Variants in CFAP47 observed in about 807,000 individuals in gnomAD.
The protein encoded by CFAP47 is cilia and flagella associated protein 47.
In CFAP47, 29 loss-of-function variants were observed where a neutral mutation model predicts 148.1. The observed-to-expected ratio is 0.20, with a 90% CI of 0.15 to 0.27. CFAP47 has a LOEUF of 0.27. Among genes scored for constraint, CFAP47 ranks in the 10% least tolerant of loss-of-function variants. The probability of loss-of-function intolerance (pLI) is 1.00; values close to 1 mark genes in which losing one functional copy is unlikely to be tolerated. For synonymous variants in CFAP47, 664 were observed against 577.3 expected (o/e 1.15, Z -2.15); for missense variants, 1,872 against 1,697.5 (o/e 1.10, Z -1.81).
chrX:35,956,795 C>T (rs1215134376), intron 8 of CFAP47, among the ~76,000 whole-genome samples: 1 of 111,880 alleles, frequency 8.9e-6, no homozygotes, highest in Non-Finnish European at 1.9e-5. Context: ...TCCTCTAAAC[C>T]ATGGGTTAAA....
At chrX:36,208,809 T>G (rs906573934) in intron 45 of CFAP47, among the ~76,000 whole-genome samples, 1 of 110,235 alleles carries the variant, frequency 9.1e-6, no homozygotes, top group African/African-American at 3.3e-5. Flanking sequence ...CTACTAAAAA[T>G]ACAAAAATTA....
At chrX:36,136,404 A>G (rs1183955980) in intron 33 of CFAP47, among the ~76,000 whole-genome samples, 2 of 110,702 alleles carry the variant, frequency 1.8e-5, no homozygotes, top group African/African-American at 6.5e-5. Context: ...TAACTGACTG[A>G]TTCTCTATCA....
Position 36,350,112 on chromosome X carries a change from C to T in CFAP47, c.8678C>T (p.Pro2893Leu). Residue 2893 changes from proline to leucine, a missense_variant, in exon 59 of 64, where the codon CCA (proline) becomes CTA (leucine). Transcript: ENST00000378653. ...IYPIVGLPQA[P>L]PPKSPPVVIQ... ...CCTATTGTTGGACTCCCACAAGCACCACCTCCTAAATCTCCCCCAGGTAGG... is the reference window on the plus strand; with the variant it reads ...CCTATTGTTGGACTCCCACAAGCACTACCTCCTAAATCTCCCCCAGGTAGG... 4.3e-6 allele frequency: 5 copies of T among 1,151,506 alleles called. No homozygotes were observed. The highest frequency in any genetic ancestry group is 5.8e-6 in the Non-Finnish European group (5 of 858,828). The allele number at this position is 1,151,506 out of a possible 1,213,427, so 94.9% of individuals were successfully genotyped here.
At chrX:36,212,610 C>A (rs1431972588) in intron 45 of CFAP47, among the ~76,000 whole-genome samples, 1 of 110,457 alleles carries the variant, frequency 9.1e-6, no homozygotes, top group African/African-American at 3.3e-5. Flanking sequence ...AAGTTTTACA[C>A]TTTTTTTAGT....
intron 36 of CFAP47, among the ~76,000 whole-genome samples, chrX:36,147,015 T>C (rs1345982548): frequency 1.8e-5 from 2 of 110,880 alleles, no homozygotes; most frequent in African/African-American, 6.6e-5. Flanking sequence ...ACTCCTGACC[T>C]CAGGTGATCC....
intron 3 of CFAP47, among the ~76,000 whole-genome samples, chrX:35,946,266 T>G (rs765293724): frequency 1.8e-5 from 2 of 112,285 alleles, no homozygotes; most frequent in South Asian, 7.3e-4. Context: ...GTTTTTGTAT[T>G]AAAGTTAAAT....
chrX:36,010,869 C>T (rs1044350909), intron 21 of CFAP47, among the ~76,000 whole-genome samples: 6 of 111,678 alleles, frequency 5.4e-5, no homozygotes, highest in South Asian at 7.4e-4. Context: ...GTTCTATGAA[C>T]GTATTTAAGA....
In CFAP47 at chrX:36,065,584, A is replaced by T. The variant is rs769677024; in HGVS notation, c.4218-59A>T. 51 of 627,610 alleles carry T rather than the reference A, an allele frequency of 8.1e-5. No homozygotes were observed. The African/African-American group carries it at 1.1e-3, about 13-fold the overall frequency. The allele number at this position is 627,610 out of a possible 1,213,427, so 51.7% of individuals were successfully genotyped here. A position where few individuals can be genotyped will look rare whatever the true frequency, so the allele number is the denominator to read the frequency against. ...AAGGGCATCTGGGATACTTAAATGC[A>T]TGGCATTTACTGCATCTGAAATTTT... On this transcript the variant is annotated intron_variant, in intron 26 of 63. Transcript: ENST00000378653.
At chrX:36,010,081 T>A (rs1937022098) in intron 21 of CFAP47, among the ~76,000 whole-genome samples, 1 of 110,278 alleles carries the variant, frequency 9.1e-6, no homozygotes, top group Admixed American at 9.7e-5. Context: ...AAGGTTTTGG[T>A]AAAAAAAAAT....
chrX:36,119,800 C>A (rs1035344067), intron 33 of CFAP47, among the ~76,000 whole-genome samples: 2 of 111,071 alleles, frequency 1.8e-5, no homozygotes, highest in African/African-American at 6.5e-5. Flanking sequence ...TTATATGTGT[C>A]AAGGAATTTG....
intron 59 of CFAP47, among the ~76,000 whole-genome samples, chrX:36,351,429 C>G (rs1556017483): frequency 8.9e-6 from 1 of 111,769 alleles, no homozygotes; most frequent in Non-Finnish European, 1.9e-5. Flanking sequence ...ACACAGTCAT[C>G]TGATCAAAGT....
At chrX:36,099,455 T>A (rs1395662403) in intron 31 of CFAP47, among the ~76,000 whole-genome samples, 1 of 107,403 alleles carries the variant, frequency 9.3e-6, no homozygotes. Flanking sequence ...TGTTGCCTTA[T>A]CCAAAGGGTG....
At chrX:36,323,563 G>C (rs1268703352) in intron 57 of CFAP47, among the ~76,000 whole-genome samples, 4 of 111,443 alleles carry the variant, frequency 3.6e-5, no homozygotes, top group Non-Finnish European at 7.6e-5. Context: ...GGGAGACTGA[G>C]TGACAACTGT....
chrX:36,217,628 A>G (rs1313153599), intron 45 of CFAP47, among the ~76,000 whole-genome samples: 5 of 111,655 alleles, frequency 4.5e-5, no homozygotes, highest in Non-Finnish European at 5.6e-5. Flanking sequence ...AGTTACAAAT[A>G]TATGTCCTAC....
intron 49 of CFAP47, among the ~76,000 whole-genome samples, chrX:36,258,696 A>G (rs1420549841): frequency 3.6e-5 from 4 of 112,075 alleles, no homozygotes; most frequent in Non-Finnish European, 7.5e-5. Flanking sequence ...CATGTTGCAT[A>G]AATAAAAGAC....
chrX:36,118,417 C>A (rs1026204845), intron 33 of CFAP47, among the ~76,000 whole-genome samples: 3 of 111,049 alleles, frequency 2.7e-5, no homozygotes, highest in African/African-American at 6.6e-5. Context: ...CAATTTCTTT[C>A]AAAAATGCTT....
At chrX:36,174,230 C>G (rs1939632970) in intron 39 of CFAP47, among the ~76,000 whole-genome samples, 1 of 109,804 alleles carries the variant, frequency 9.1e-6, no homozygotes, top group African/African-American at 3.3e-5. Flanking sequence ...ATACAGCACA[C>G]TGATGGGTCT....
intron 8 of CFAP47, among the ~76,000 whole-genome samples, chrX:35,960,833 A>G (rs1365142943): frequency 9.0e-6 from 1 of 111,139 alleles, no homozygotes; most frequent in Non-Finnish European, 1.9e-5. Context: ...TTTCTTTCTA[A>G]TCTGGATTCA....
chrX:36,167,102 G>A (rs1253029133), intron 39 of CFAP47, among the ~76,000 whole-genome samples: 2 of 111,692 alleles, frequency 1.8e-5, no homozygotes, highest in Admixed American at 9.5e-5. Flanking sequence ...TCCTTCACCA[G>A]TTCTCTCCAG....
Sources: allele counts gnomAD v4.1 joint callset (sites outside exome capture counted in the v4.1 genomes callset), GRCh38; gene constraint gnomAD v4.1.1; transcripts MANE v1.5; gene names NCBI Gene and HGNC (gene_info 2026-07-23, HGNC 2026-07-21).